CYP11A1: variants seen among roughly 807,000 people sequenced by gnomAD.
The protein encoded by CYP11A1 is cytochrome P450 family 11 subfamily A member 1.
In CYP11A1, 25 loss-of-function variants were observed where a neutral mutation model predicts 51.9. That is an observed-to-expected ratio of 0.48 (90% CI 0.35 to 0.67). The LOEUF is 0.67. Ranked by LOEUF, CYP11A1 falls within the 30% of genes least tolerant of loss-of-function variation. CYP11A1 has a pLI of 0.00. For missense variants in CYP11A1, 578 were observed against 680.9 expected (o/e 0.85, Z 1.68); for synonymous variants, 245 against 262.1 (o/e 0.93, Z 0.63).
chr15:74,344,833 G>A (rs917838457), intron 3 of CYP11A1: 1 of 623,006 alleles, frequency 1.6e-6, no homozygotes, highest in Admixed American at 2.5e-5. Context: ...TGCCAGATGA[G>A]AGAACCCCAG....
intron 1 of CYP11A1, chr15:74,365,992 C>A: frequency 1.0e-6 from 1 of 986,154 alleles, no homozygotes; most frequent in South Asian, 4.5e-5. Flanking sequence ...GTGGGGCCGC[C>A]GCCGCCTCCG....
At chr15:74,348,547 C>G (rs1275921810) in intron 1 of CYP11A1, among the ~76,000 whole-genome samples, 1 of 152,182 alleles carries the variant, frequency 6.6e-6, no homozygotes, top group East Asian at 1.9e-4. Flanking sequence ...AGGCCAAATC[C>G]CTGTCAGACT....
At chr15:74,356,605 C>G (rs56339065) in intron 1 of CYP11A1, 73,052 of 152,048 alleles carry the variant, frequency 0.48, 19,356 homozygotes, top group Non-Finnish European at 0.6. Flanking sequence ...CCTCTTAAAA[C>G]TTCCCAACTC....
intron 1 of CYP11A1, among the ~76,000 whole-genome samples, chr15:74,358,575 G>A (rs917741787): frequency 6.6e-6 from 1 of 152,106 alleles, no homozygotes; most frequent in African/African-American, 2.4e-5. Context: ...TCAAGCTCAG[G>A]GATTTGCCTC....
chr15:74,361,534 A>C, intron 1 of CYP11A1: 1 of 648,796 alleles, frequency 1.5e-6, no homozygotes, highest in South Asian at 1.6e-5. Context: ...TGCCACCAGG[A>C]GCCCTGTACT....
At chr15:74,346,308 G>A (rs1008726103) in intron 2 of CYP11A1, among the ~76,000 whole-genome samples, 12 of 143,048 alleles carry the variant, frequency 8.4e-5, no homozygotes, top group Middle Eastern at 4.1e-3. Flanking sequence ...AGCCAAGATC[G>A]TGCCATTGCA....
At chr15:74,346,071 G>C (rs759856268) in intron 2 of CYP11A1, among the ~76,000 whole-genome samples, 1 of 152,076 alleles carries the variant, frequency 6.6e-6, no homozygotes, top group African/African-American at 2.4e-5. Flanking sequence ...AAAAGCTGTC[G>C]GTCAGACACA....
chr15:74,361,607 C>A, intron 1 of CYP11A1: 1 of 1,127,860 alleles, frequency 8.9e-7, no homozygotes, highest in South Asian at 1.2e-5. Flanking sequence ...CCTTGGGTCA[C>A]GTCTCCTTTG....
intron 1 of CYP11A1, chr15:74,356,612 A>G (rs1335706373): frequency 6.6e-6 from 1 of 151,794 alleles, no homozygotes; most frequent in Non-Finnish European, 1.5e-5. Context: ...AAACTTCCCA[A>G]CTCTGGTGCC....
rs1172517907 is a variant in CYP11A1 at position 74,338,019 on chromosome 15, T to C, written c.1519A>G (p.Ile507Val). The stretch of plus-strand genomic sequence containing the variant: ...TTAAAGGGCCAGAAGGTGAAGGAGA[T>C]GGGCTTTTCAGGCATCAGAATGAGG... ...FNLILMPEKP[I>V]SFTFWPFNQE... The change falls in exon 9 of 9, where the codon ATC becomes GTC. Residue 507 changes from isoleucine (I) to valine (V), a missense_variant. Coordinates refer to ENST00000268053, the MANE Select transcript of CYP11A1 (RefSeq NM_000781.3). 3.1e-6 allele frequency: 5 copies of C among 1,613,978 alleles called. No individual in the cohort carries two copies. The East Asian group carries it at 6.7e-5, about 22-fold the overall frequency.
intron 4 of CYP11A1, 117 bp downstream of exon 4, chr15:74,343,672 C>A: frequency 1.1e-6 from 1 of 937,640 alleles, no homozygotes; most frequent in Non-Finnish European, 1.7e-6. Flanking sequence ...CACGCCTGCC[C>A]GCCACAGTGT....
In CYP11A1 at chr15:74,345,096, G is replaced by A. The variant is rs776643277; in HGVS notation, c.573C>T (p.Ser191=). 2.0e-5 allele frequency: 33 copies of A among 1,613,898 alleles called. No individual in the cohort carries two copies. The highest frequency in any genetic ancestry group is 5.5e-5 in the South Asian group (5 of 91,068). ...CACTGATGTCCCCCGAGTAATTTCCGGAGCCCGCCTTCTTGATGCGCCTGT... is the reference window on the plus strand; with the variant it reads ...CACTGATGTCCCCCGAGTAATTTCCAGAGCCCGCCTTCTTGATGCGCCTGT... The part of the protein sequence containing the change: ...VLHRRIKKAG[S]GNYSGDISDD... Residue 191 remains serine, a synonymous_variant, in exon 3 of 9, where the codon TCC becomes TCT. Transcript: ENST00000268053. This position sits in a 1 kb window ranked among gnomAD's most constrained non-coding sequence, Gnocchi z 4.3.
rs34304260 is a variant in CYP11A1 at position 74,352,264 on chromosome 15, C to CTTT, written c.270-4212_270-4210dup. On this transcript the variant is annotated intron_variant, in intron 1 of 8. Transcript: ENST00000268053. ...TGAATTTTATGTTTGTCTTTGCTAT[C>CTTT]TTTTTTTTTTTTTTTTTTTTTTTGA... is the stretch of plus-strand genomic sequence containing the variant. Among the ~76,000 whole-genome samples, 317 of 86,032 alleles carry CTTT rather than the reference C, an allele frequency of 3.7e-3. 1 individual carries two copies. The highest frequency in any genetic ancestry group is 8.8e-3 in the Middle Eastern group (1 of 114). 56.4% of individuals were successfully genotyped at this position (86,032 alleles called of 152,430 possible). A position where few individuals can be genotyped will look rare whatever the true frequency, so the allele number is the denominator to read the frequency against.
rs1205059968 is a variant in CYP11A1, at chr15:74,345,383, C to T, written c.426-140G>A. 7.3e-6 allele frequency: 6 copies of T among 821,090 alleles called. No homozygotes were observed. The Admixed American group carries it at 1.2e-4, about 17-fold the overall frequency. 50.9% of individuals were successfully genotyped at this position (821,090 alleles called of 1,614,324 possible). ...ACTCCCACCAGGGCCTCTGCCCTCA[C>T]CTCTCCGAGCACCCTCTGCCTCTCA... On this transcript the variant is annotated intron_variant, in intron 2 of 8. Coordinates refer to ENST00000268053, the MANE Select transcript of CYP11A1 (RefSeq NM_000781.3). The surrounding 1 kb of genome is among the most constrained non-coding windows in gnomAD (Gnocchi z 4.3).
At chr15:74,366,460 T>TTTTATTTATTTATTTATTTA (rs45509005) in intron 1 of CYP11A1, among the ~76,000 whole-genome samples, 45 of 137,738 alleles carry the variant, frequency 3.3e-4, no homozygotes, top group East Asian at 1.5e-3. Context: ...ATTTTTTTTA[T>TTTTATTTATTTATTTATTTA]TTTATTTATT....
chr15:74,343,874 G>A lies in CYP11A1; in HGVS notation c.744C>T (p.Leu248=), dbSNP rs1201160390. The A allele has an allele frequency of 6.2e-7, 1 of 1,613,994 alleles. No individual in the cohort carries two copies. The highest frequency in any genetic ancestry group is 8.5e-7 in the Non-Finnish European group (1 of 1,180,020). ...YQMFHTSVPM[L]NLPPDLFRLF... ...GACGGAACAGGTCTGGGGGAAGGTT[G>A]AGCATGGGGACGCTGGTGTGGAACA... Residue 248 remains leucine, a synonymous_variant, in exon 4 of 9, where the codon CTC becomes CTT. Transcript: ENST00000268053.
chr15:74,355,113 C>T (rs2060673225), intron 1 of CYP11A1, among the ~76,000 whole-genome samples: 1 of 151,010 alleles, frequency 6.6e-6, no homozygotes, highest in South Asian at 2.1e-4. Context: ...TGTCTCTATC[C>T]TCTCTTTTCT....
At chr15:74,349,123 A>G (rs12898858) in intron 1 of CYP11A1, among the ~76,000 whole-genome samples, 101,880 of 152,052 alleles carry the variant, frequency 0.67, 34,603 homozygotes, top group Non-Finnish European at 0.74. Flanking sequence ...GGGAAAAGAT[A>G]GCATCTAACT....
intron 6 of CYP11A1, 134 bp downstream of exon 6, chr15:74,339,453 T>G: frequency 1.4e-6 from 2 of 1,433,364 alleles, no homozygotes; most frequent in Non-Finnish European, 1.9e-6. Flanking sequence ...GCTCTATTTC[T>G]TTCTCCTCCA....
Sources: allele counts gnomAD v4.1 joint callset (sites outside exome capture counted in the v4.1 genomes callset), GRCh38; gene constraint gnomAD v4.1.1; non-coding constraint Gnocchi (gnomAD v3.1); transcripts MANE v1.5; gene names NCBI Gene and HGNC (gene_info 2026-07-23, HGNC 2026-07-21).